The following CFAP251 variants were observed in gnomAD, a reference collection of about 807,000 sequenced individuals.
CFAP251 encodes the protein cilia and flagella associated protein 251.
In CFAP251, 93 loss-of-function variants were observed where a neutral mutation model predicts 126.7. The observed-to-expected ratio is 0.73, with a 90% CI of 0.62 to 0.87. CFAP251 has a LOEUF of 0.87. Among genes scored for constraint, CFAP251 ranks in the 40% least tolerant of loss-of-function variants. The probability of loss-of-function intolerance (pLI) is 0.00; values close to 1 mark genes in which losing one functional copy is unlikely to be tolerated. For missense variants in CFAP251, 1,287 were observed against 1,389.2 expected (o/e 0.93, Z 1.17); for synonymous variants, 503 against 506.9 (o/e 0.99, Z 0.10).
chr12:121,942,311 G>A (rs938235278), intron 5 of CFAP251, among the ~76,000 whole-genome samples: 18 of 151,862 alleles, frequency 1.2e-4, no homozygotes, highest in Admixed American at 2.6e-4. Context: ...CACGCCTTTC[G>A]TGCCTGGCTT....
intron 17 of CFAP251, chr12:121,968,894 C>T (rs1231442089): frequency 1.0e-6 from 1 of 985,250 alleles, no homozygotes; most frequent in Non-Finnish European, 1.2e-6. Context: ...AGGGCATTTG[C>T]TTATGAGCTC....
chr12:121,928,640 AT>A (rs1880522452), intron 3 of CFAP251, among the ~76,000 whole-genome samples: 1 of 16,094 alleles, frequency 6.2e-5, no homozygotes, highest in Non-Finnish European at 1.1e-4. Context: ...ATATATACGT[AT>A]ATATATATAT....
chr12:121,971,513 C>T, intron 17 of CFAP251: 1 of 702,312 alleles, frequency 1.4e-6, no homozygotes, highest in East Asian at 2.7e-5. Context: ...GGGCCGGGGC[C>T]TGCACTGAGT....
At chr12:121,967,482 C>T (rs1882183611) in intron 16 of CFAP251, among the ~76,000 whole-genome samples, 2 of 152,164 alleles carry the variant, frequency 1.3e-5, no homozygotes, top group Non-Finnish European at 1.5e-5. Flanking sequence ...GCGGGTGGAT[C>T]ACGAGGTCAG....
chr12:121,924,115 TGTG>T, intron 3 of CFAP251, 125 bp downstream of exon 3: 3 of 1,220,922 alleles, frequency 2.5e-6, no homozygotes, highest in Non-Finnish European at 3.3e-6. Context: ...ATAATAGACT[TGTG>T]TTTTTTTTTT....
chr12:122,000,546 T>C (rs1593011570), intron 20 of CFAP251, among the ~76,000 whole-genome samples: 1 of 90,536 alleles, frequency 1.1e-5, no homozygotes, highest in African/African-American at 3.3e-5. Flanking sequence ...AGCGAGACTG[T>C]CAAAAAAAAA....
intron 10 of CFAP251, among the ~76,000 whole-genome samples, chr12:121,955,268 T>A (rs944223193): frequency 1.3e-5 from 2 of 152,164 alleles, no homozygotes; most frequent in African/African-American, 4.8e-5. Flanking sequence ...CACTCCAGTC[T>A]GGGCGACAGA....
At position 121,975,588 on chromosome 12, in the gene CFAP251, T is replaced by C; in HGVS notation, c.2909T>C (p.Ile970Thr). 2 of 1,606,862 alleles carry C rather than the reference T, an allele frequency of 1.2e-6. No homozygotes were observed. The highest frequency in any genetic ancestry group is 1.7e-6 in the Non-Finnish European group (2 of 1,178,304). Residue 970 changes from isoleucine to threonine, a missense_variant, in exon 19 of 22, where the codon ATC (isoleucine) becomes ACC (threonine). Coordinates refer to ENST00000288912, the MANE Select transcript of CFAP251 (RefSeq NM_144668.6). The part of the protein sequence containing the change: ...FYYSQLRSQG[I>T]DTMETRKVSE... ...TATTCTCAGCTCCGCAGTCAAGGCA[T>C]CGACACAATGGAGACCAGAAAGGTG...
intron 20 of CFAP251, among the ~76,000 whole-genome samples, chr12:122,000,589 C>G (rs1023768469): frequency 2.0e-5 from 3 of 150,026 alleles, no homozygotes; most frequent in South Asian, 2.1e-4. Flanking sequence ...GAAAAGAAAA[C>G]AAATATTTGG....
At chr12:121,995,776 A>C (rs1194205343) in intron 19 of CFAP251, among the ~76,000 whole-genome samples, 1 of 152,198 alleles carries the variant, frequency 6.6e-6, no homozygotes, top group Non-Finnish European at 1.5e-5. Flanking sequence ...ATGAGCCACC[A>C]TGCCTGACCT....
intron 15 of CFAP251, among the ~76,000 whole-genome samples, chr12:121,963,861 C>T (rs1370963234): frequency 1.3e-5 from 2 of 151,730 alleles, no homozygotes; most frequent in African/African-American, 2.4e-5. Flanking sequence ...GGGGCCTCGA[C>T]ACAGCCCTGG....
At chr12:121,977,934 G>A (rs1014331824) in intron 19 of CFAP251, among the ~76,000 whole-genome samples, 2 of 151,326 alleles carry the variant, frequency 1.3e-5, no homozygotes, top group Admixed American at 6.6e-5. Flanking sequence ...ACTCCAGCCT[G>A]GGTGACAGAG....
chr12:121,974,513 G>A lies in CFAP251; in HGVS notation c.2772-731G>A, dbSNP rs1354352868. ...AGAGCCGGGACTTGCACACATGTCCGTGTGACTCCACACTCTGGACACTTC... is the reference window on the plus strand; with the variant it reads ...AGAGCCGGGACTTGCACACATGTCCATGTGACTCCACACTCTGGACACTTC... On this transcript the variant is annotated intron_variant, in intron 17 of 21. Coordinates refer to ENST00000288912, the MANE Select transcript of CFAP251 (RefSeq NM_144668.6). This position sits in a 1 kb window ranked among gnomAD's most constrained non-coding sequence, Gnocchi z 4.6. Among the ~76,000 whole-genome samples the A allele has an allele frequency of 1.3e-5, 2 of 152,094 alleles. No individual in the cohort carries two copies. Among genetic ancestry groups the A allele is most frequent in the East Asian group, 1.9e-4 (1 of 5,192 alleles).
intron 17 of CFAP251, chr12:121,971,739 T>C (rs1882333385): frequency 4.7e-6 from 3 of 642,774 alleles, no homozygotes; most frequent in East Asian, 5.5e-5. Flanking sequence ...TAAAGGACTT[T>C]TGTCTCCAAT....
At position 121,958,993 on chromosome 12, in the gene CFAP251, G is replaced by A; in HGVS notation, c.2032G>A (p.Ala678Thr). ...AGAGGGGACAGTTTACATTCTTGATGCAATGTCTTTAGAAAATGAAAGCCC... is the reference window on the plus strand; with the variant it reads ...AGAGGGGACAGTTTACATTCTTGATACAATGTCTTTAGAAAATGAAAGCCC... ...FTEGTVYILD[A>T]MSLENESPEP... Residue 678 changes from alanine (A) to threonine (T), a missense_variant, in exon 13 of 22, where the codon GCA becomes ACA. Coordinates refer to ENST00000288912, the MANE Select transcript of CFAP251 (RefSeq NM_144668.6). The A allele has an allele frequency of 7.4e-6, 12 of 1,611,944 alleles. No individual in the cohort carries two copies. The highest frequency in any genetic ancestry group is 2.2e-5 in the East Asian group (1 of 44,872).
intron 5 of CFAP251, among the ~76,000 whole-genome samples, chr12:121,942,068 C>T (rs893903902): frequency 6.6e-6 from 1 of 152,170 alleles, no homozygotes; most frequent in African/African-American, 2.4e-5. Flanking sequence ...GGCCCATTGC[C>T]TTGAGTTAGG....
rs149085405 is a variant in CFAP251, at chr12:121,950,472, T to C, written c.1270-1008T>C. ...AATTTTATGTTAAGTGGATTTTACC[T>C]CAATAAAAAATTGTAGAACAAAACC... On this transcript the variant is annotated intron_variant, in intron 8 of 21. Coordinates refer to ENST00000288912, the MANE Select transcript of CFAP251 (RefSeq NM_144668.6). 181 of 152,328 alleles carry C rather than the reference T, an allele frequency of 1.2e-3. 2 individuals carry two copies. The highest frequency in any genetic ancestry group is 4.0e-3 in the African/African-American group (167 of 41,566). The allele number at this position is 152,328 out of a possible 1,614,324, so 9.4% of individuals were successfully genotyped here. A position where few individuals can be genotyped will look rare whatever the true frequency, so the allele number is the denominator to read the frequency against.
chr12:121,958,222 C>T (rs777807755), intron 11 of CFAP251, 50 bp from the exon 12 acceptor site: 7 of 1,605,064 alleles, frequency 4.4e-6, no homozygotes, highest in East Asian at 4.5e-5. Flanking sequence ...AGCTGGCATG[C>T]CCCATTCCCT....
intron 19 of CFAP251, among the ~76,000 whole-genome samples, chr12:121,986,600 A>T (rs1882754287): frequency 6.6e-6 from 1 of 150,490 alleles, no homozygotes; most frequent in Non-Finnish European, 1.5e-5. Flanking sequence ...CGCCCAGCCG[A>T]ATTTTTTTTT....
Sources: allele counts gnomAD v4.1 joint callset (sites outside exome capture counted in the v4.1 genomes callset), GRCh38; gene constraint gnomAD v4.1.1; non-coding constraint Gnocchi (gnomAD v3.1); transcripts MANE v1.5; gene names NCBI Gene and HGNC (gene_info 2026-07-23, HGNC 2026-07-21).